The following HPRT1 variants were observed in gnomAD, a reference collection of about 807,000 sequenced individuals.
HPRT1 encodes the protein hypoxanthine phosphoribosyltransferase 1, also known as hypoxanthine-guanine phosphoribosyltransferase.
A neutral mutation model predicts 19.0 loss-of-function variants in HPRT1; 4 were observed. The observed-to-expected ratio is 0.21, with a 90% CI of 0.10 to 0.48. The LOEUF is 0.48. Ranked by LOEUF, HPRT1 falls within the 20% of genes least tolerant of loss-of-function variation. The pLI is 0.98. For synonymous variants in HPRT1, 53 were observed against 54.9 expected, an observed-to-expected ratio of 0.97 and a Z score of 0.15; for missense variants, 65 against 164.0, an observed-to-expected ratio of 0.40 and a Z score of 3.30.
chrX:134,493,430 G>A (rs770939539), intron 5 of HPRT1, 78 bp from the exon 6 acceptor site: 2 of 633,672 alleles, frequency 3.2e-6, no homozygotes, highest in African/African-American at 4.4e-5. Flanking sequence ...TGACAGTATT[G>A]CAGTTATACA....
At chrX:134,474,751 G>A (rs910113081) in intron 2 of HPRT1, among the ~76,000 whole-genome samples, 17 of 111,237 alleles carry the variant, frequency 1.5e-4, no homozygotes, top group Admixed American at 9.6e-4. Context: ...AGGTGAAAAT[G>A]GTATCTTGTT....
In HPRT1 at chrX:134,473,135, C is replaced by G. The variant is rs1048499194; in HGVS notation, c.28-224C>G. On this transcript the variant is annotated intron_variant, in intron 1 of 8. Coordinates refer to ENST00000298556, the MANE Select transcript of HPRT1 (RefSeq NM_000194.3). ...GAACTCCTGAGCTCAGGCAGTCTGC[C>G]TGCCTCAGCCTCCCAAAGTGCTGGG... Among the ~76,000 whole-genome samples the G allele has an allele frequency of 9.8e-5, 11 of 111,714 alleles. No individual in the cohort carries two copies. The South Asian group carries it at 3.8e-3, about 38-fold the overall frequency.
intron 6 of HPRT1, among the ~76,000 whole-genome samples, chrX:134,497,886 G>T (rs755680866): frequency 9.3e-6 from 1 of 107,711 alleles, no homozygotes; most frequent in South Asian, 4.2e-4. Context: ...GGCAGAGCTT[G>T]CAGTGAGCGG....
intron 3 of HPRT1, among the ~76,000 whole-genome samples, chrX:134,484,099 G>A (rs1243634035): frequency 4.5e-5 from 5 of 111,812 alleles, no homozygotes; most frequent in Non-Finnish European, 9.4e-5. Flanking sequence ...CTTGTTTCTT[G>A]TCCTATCACC....
chrX:134,486,444 G>GTT lies in HPRT1; in HGVS notation c.319-8_319-7dup, dbSNP rs371480320. Reference sequence around the variant, plus strand: ...GTGTGTGTAGATATATATATATATAGTTTTTTTTTTTTTTAACTAGAATGA... The same window carrying GTT: ...GTGTGTGTAGATATATATATATATAGTTTTTTTTTTTTTTTTAACTAGAATGA... On this transcript the variant is annotated intron_variant, in intron 3 of 8. Coordinates refer to ENST00000298556, the MANE Select transcript of HPRT1 (RefSeq NM_000194.3). 7.7e-3 allele frequency: 5,355 copies of GTT among 696,189 alleles called. No individual in the cohort carries two copies. Among genetic ancestry groups the GTT allele is most frequent in the Middle Eastern group, 0.012 (24 of 1,939 alleles). 57.4% of individuals were successfully genotyped at this position (696,189 alleles called of 1,213,427 possible). A position where few individuals can be genotyped will look rare whatever the true frequency, so the allele number is the denominator to read the frequency against.
At chrX:134,475,657 C>T (rs1428350387) in intron 3 of HPRT1, among the ~76,000 whole-genome samples, 1 of 111,933 alleles carries the variant, frequency 8.9e-6, no homozygotes. Flanking sequence ...GACAGATACC[C>T]TCTCTTGAGC....
intron 3 of HPRT1, among the ~76,000 whole-genome samples, chrX:134,481,395 T>C (rs746450828): frequency 1.0e-3 from 113 of 111,688 alleles, no homozygotes; most frequent in African/African-American, 3.5e-3. Context: ...TAGTTAGATG[T>C]AGGTATACCA....
At chrX:134,470,567 C>T (rs188098149) in intron 1 of HPRT1, among the ~76,000 whole-genome samples, 1 of 111,267 alleles carries the variant, frequency 9.0e-6, no homozygotes, top group East Asian at 2.8e-4. Flanking sequence ...TATGGTTTGA[C>T]CAATATTTAT....
intron 1 of HPRT1, among the ~76,000 whole-genome samples, chrX:134,465,854 C>G (rs150471073): frequency 2.3e-3 from 256 of 112,066 alleles, no homozygotes; most frequent in African/African-American, 8.1e-3. Flanking sequence ...TTTACCACTT[C>G]TAGGCCCCTC....
rs951874865 is a variant in HPRT1, at chrX:134,464,746, T to A, written c.27+4408T>A. On this transcript the variant is annotated intron_variant, in intron 1 of 8. Coordinates refer to ENST00000298556, the MANE Select transcript of HPRT1 (RefSeq NM_000194.3). ...GCAGGCACCACCACGCCCAGCTAAT[T>A]TTTGTAGAGACAGGATTTCACCGTG... Among the ~76,000 whole-genome samples the A allele has an allele frequency of 4.6e-5, 5 of 109,269 alleles. No individual in the cohort carries two copies. In the Admixed American group the frequency reaches 5.0e-4, roughly 11 times the overall value. The allele number at this position is 109,269 out of a possible 115,157, so 94.9% of individuals were successfully genotyped here. A position where few individuals can be genotyped will look rare whatever the true frequency, so the allele number is the denominator to read the frequency against.
At chrX:134,490,076 CT>C in intron 4 of HPRT1, 111 bp from the exon 5 acceptor site, 1 of 416,720 alleles carries the variant, frequency 2.4e-6, no homozygotes, top group Non-Finnish European at 4.1e-6. Context: ...AATAAAGCAT[CT>C]AAAAACAAGA....
intron 4 of HPRT1, among the ~76,000 whole-genome samples, chrX:134,489,478 A>T (rs1736639781): frequency 8.9e-6 from 1 of 111,740 alleles, no homozygotes; most frequent in Admixed American, 9.6e-5. Flanking sequence ...TAAACAACAC[A>T]TCATGAATCT....
intron 3 of HPRT1, among the ~76,000 whole-genome samples, chrX:134,479,780 A>G (rs2077634550): frequency 9.4e-6 from 1 of 106,312 alleles, no homozygotes; most frequent in Admixed American, 1.0e-4. Flanking sequence ...TAATTTTTGC[A>G]TTTTTTTTTG....
intron 1 of HPRT1, among the ~76,000 whole-genome samples, chrX:134,468,336 C>T (rs1353584099): frequency 3.7e-5 from 4 of 109,580 alleles, no homozygotes; most frequent in Non-Finnish European, 7.6e-5. Context: ...ATTTGATGGC[C>T]GGGCGGGGTG....
chrX:134,493,710 CAT>C (rs2077673618), intron 6 of HPRT1, 120 bp downstream of exon 6: 1 of 533,682 alleles, frequency 1.9e-6, no homozygotes, highest in Non-Finnish European at 3.4e-6. Flanking sequence ...AATGTAATCT[CAT>C]ATAAGACTTA....
chrX:134,465,327 T>C (rs2124284693), intron 1 of HPRT1, among the ~76,000 whole-genome samples: 1 of 111,584 alleles, frequency 9.0e-6, no homozygotes, highest in Admixed American at 9.6e-5. Flanking sequence ...TTACTGTAAT[T>C]TTAGATAATA....
chrX:134,479,931 A>AT (rs1241635585), intron 3 of HPRT1, among the ~76,000 whole-genome samples: 1 of 109,620 alleles, frequency 9.1e-6, no homozygotes, highest in Non-Finnish European at 1.9e-5. Context: ...TTTTATTTTT[A>AT]TTTTATTTTA....
chrX:134,479,219 G>A (rs2077632910), intron 3 of HPRT1, among the ~76,000 whole-genome samples: 1 of 111,677 alleles, frequency 9.0e-6, no homozygotes, highest in South Asian at 3.7e-4. Flanking sequence ...ATAAAAAGAA[G>A]GTTAAGTATA....
chrX:134,475,040 C>G, intron 2 of HPRT1, 141 bp from the exon 3 acceptor site: 1 of 469,958 alleles, frequency 2.1e-6, no homozygotes, highest in Non-Finnish European at 3.7e-6. Context: ...GCTACCATGC[C>G]TGGCTAATTT....
Sources: gnomAD v4.1 joint callset for allele counts (sites outside exome capture counted in the v4.1 genomes callset) on GRCh38, gnomAD v4.1.1 for gene constraint, MANE v1.5 for transcripts, NCBI Gene and HGNC (gene_info 2026-07-23, HGNC 2026-07-21) for gene names.